The following ADAM11 variants were observed in gnomAD, a reference collection of about 807,000 sequenced individuals.
ADAM11 encodes disintegrin and metalloproteinase domain-containing protein 11.
In ADAM11, 49 loss-of-function variants were observed where a neutral mutation model predicts 119.1. The ratio of observed to expected loss-of-function variants is 0.41; its 90% CI spans 0.33 to 0.52. The LOEUF is 0.52. Ranked by LOEUF, ADAM11 falls within the 20% of genes least tolerant of loss-of-function variation. The pLI is 0.20. For synonymous variants in ADAM11, 364 were observed against 408.0 expected (o/e 0.89, Z 1.30); for missense variants, 777 against 1,047.5 (o/e 0.74, Z 3.56).
Position 44,772,405 on chromosome 17 carries a change from T to A in ADAM11, c.617T>A (p.Leu206Gln), listed in dbSNP as rs1280677781. 30 of 1,579,248 alleles carry A rather than the reference T, an allele frequency of 1.9e-5. No homozygotes were observed. Among genetic ancestry groups the A allele is most frequent in the Non-Finnish European group, 2.2e-5 (26 of 1,161,734 alleles). Residue 206 changes from leucine (L) to glutamine (Q), a missense_variant, in exon 8 of 27, where the codon CTG becomes CAG. Coordinates refer to ENST00000200557, the MANE Select transcript of ADAM11 (RefSeq NM_002390.6). The surrounding 1 kb of genome is among the most constrained non-coding windows in gnomAD (Gnocchi z 4.5). ...CACCTGCCCCTCCCCACAGGCTGCC[T>A]GTTTGCTGTGCCTGCCCAGTCGGCT... ...DPLGCREPGCLFAVPAQSAPP... is the reference protein window; with the variant it reads ...DPLGCREPGCQFAVPAQSAPP...
chr17:44,769,914 T>C (rs1219415083), intron 3 of ADAM11, 68 bp from the exon 4 acceptor site: 7 of 1,609,278 alleles, frequency 4.3e-6, no homozygotes, highest in Non-Finnish European at 6.0e-6. Context: ...GGTCCTGACC[T>C]GAGGCGAGCC....
intron 2 of ADAM11, among the ~76,000 whole-genome samples, chr17:44,760,695 G>T (rs1367524268): frequency 6.6e-6 from 1 of 152,182 alleles, no homozygotes; most frequent in Non-Finnish European, 1.5e-5. Context: ...GTATAGGGGG[G>T]AGACCCAGAA....
At chr17:44,765,521 GTTA>G (rs1349363695) in intron 2 of ADAM11, among the ~76,000 whole-genome samples, 9 of 150,220 alleles carry the variant, frequency 6.0e-5, no homozygotes, top group Non-Finnish European at 1.3e-4. Context: ...CTTCCTTCTC[GTTA>G]TTATTATTAT....
intron 4 of ADAM11, among the ~76,000 whole-genome samples, chr17:44,770,503 C>A (rs1474044194): frequency 3.7e-5 from 5 of 135,082 alleles, no homozygotes; most frequent in East Asian, 2.3e-4. Context: ...CCCCCCCGCC[C>A]CCACTGCCTG....
At chr17:44,759,616 G>A in intron 1 of ADAM11, 106 bp from the exon 2 acceptor site, 1 of 1,305,692 alleles carries the variant, frequency 7.7e-7, no homozygotes, top group Non-Finnish European at 9.8e-7. Context: ...TCGCCCTAGG[G>A]CTCCAGGGGC....
chr17:44,774,482 C>T lies in ADAM11; in HGVS notation c.1078-10C>T. The T allele has an allele frequency of 6.2e-7, 1 of 1,612,218 alleles. No individual in the cohort carries two copies. The highest frequency in any genetic ancestry group is 8.5e-7 in the Non-Finnish European group (1 of 1,179,424). ...TGTAGACATCTGTGCCCCATCTTCC[C>T]CACCCCCAGTACGGCAACATGGGGG... On this transcript the variant is annotated splice_polypyrimidine_tract_variant and intron_variant, in intron 12 of 26. Coordinates refer to ENST00000200557, the MANE Select transcript of ADAM11 (RefSeq NM_002390.6).
chr17:44,762,995 G>T (rs2049407154), intron 2 of ADAM11, among the ~76,000 whole-genome samples: 1 of 150,962 alleles, frequency 6.6e-6, no homozygotes, highest in Non-Finnish European at 1.5e-5. Flanking sequence ...AATTACCCAA[G>T]CATGGTGCTG....
In ADAM11 at chr17:44,769,711, C is replaced by A. The variant is rs772780802; in HGVS notation, c.238-7C>A. On this transcript the variant is annotated splice_region_variant and splice_polypyrimidine_tract_variant and intron_variant, in intron 2 of 26. Transcript: ENST00000200557. Reference sequence around the variant, plus strand: ...GTTGACTCCCCCTCTGCCCTCCCCCCACCCAGCCTGTCCATCTGGCCCAGG... The same window carrying A: ...GTTGACTCCCCCTCTGCCCTCCCCCAACCCAGCCTGTCCATCTGGCCCAGG... 4 of 1,595,886 alleles carry A rather than the reference C, an allele frequency of 2.5e-6. No homozygotes were observed. The highest frequency in any genetic ancestry group is 1.7e-5 in the Admixed American group (1 of 59,982).
Position 44,775,508 on chromosome 17 carries a change from G to T in ADAM11, c.1392+43G>T, listed in dbSNP as rs762410584. 5.7e-6 allele frequency: 9 copies of T among 1,584,698 alleles called. No homozygotes were observed. Among genetic ancestry groups the T allele is most frequent in the East Asian group, 2.3e-5 (1 of 43,844 alleles). On this transcript the variant is annotated intron_variant, in intron 16 of 26. Transcript: ENST00000200557. This position sits in a 1 kb window ranked among gnomAD's most constrained non-coding sequence, Gnocchi z 7.5. The stretch of plus-strand genomic sequence containing the variant: ...CGCCAGGTGGGGAACCGGGATGCGG[G>T]GGTGGGCACGAGGGAGCGTCTGAGT...
At position 44,775,481 on chromosome 17, in the gene ADAM11, G is replaced by T. The variant is rs766873788; in HGVS notation, c.1392+16G>T. 2.5e-5 allele frequency: 40 copies of T among 1,601,406 alleles called. No homozygotes were observed. Among genetic ancestry groups the T allele is most frequent in the African/African-American group, 1.3e-5 (1 of 74,838 alleles). On this transcript the variant is annotated intron_variant, in intron 16 of 26. Coordinates refer to ENST00000200557, the MANE Select transcript of ADAM11 (RefSeq NM_002390.6). This position sits in a 1 kb window ranked among gnomAD's most constrained non-coding sequence, Gnocchi z 7.5. ...CTCGGTGCAGGTGAGCGGTGGTGCG[G>T]GCGCCAGGTGGGGAACCGGGATGCG... is the stretch of plus-strand genomic sequence containing the variant.
At position 44,781,570 on chromosome 17, in the gene ADAM11, T is replaced by G. The variant is rs1395283719; in HGVS notation, c.*1816T>G. 1.3e-5 allele frequency: 2 copies of G among 152,320 alleles called. No individual in the cohort carries two copies. The highest frequency in any genetic ancestry group is 2.1e-4 in the South Asian group (1 of 4,838). 9.4% of individuals were successfully genotyped at this position (152,320 alleles called of 1,614,324 possible). On this transcript the variant is annotated 3_prime_UTR_variant, in exon 27 of 27. Coordinates refer to ENST00000200557, the MANE Select transcript of ADAM11 (RefSeq NM_002390.6). ...ACCTCTGCACAAGTGTGAATACCTCTGCACATATGGGCGTATCTGTGTGTG... is the reference window on the plus strand; with the variant it reads ...ACCTCTGCACAAGTGTGAATACCTCGGCACATATGGGCGTATCTGTGTGTG...
Position 44,770,037 on chromosome 17 carries a change from C to T in ADAM11, c.370C>T (p.Gln124Ter). Residue 124 changes from glutamine to a stop codon, truncating the protein, a stop_gained, in exon 4 of 27, where the codon CAG becomes TAG. Coordinates refer to ENST00000200557, the MANE Select transcript of ADAM11 (RefSeq NM_002390.6). LOFTEE classifies it high-confidence loss of function. The part of the protein sequence containing the change: ...ERHFSREGTT[Q>*]HSTGAGDHCY... ...CCACTTCAGCCGGGAGGGGACAACC[C>T]AGCACAGCACCGTGAGTGCCACTGC... 2 of 1,614,074 alleles carry T rather than the reference C, an allele frequency of 1.2e-6. No homozygotes were observed. Among genetic ancestry groups the T allele is most frequent in the East Asian group, 2.2e-5 (1 of 44,884 alleles).
In ADAM11 at chr17:44,775,788, T is replaced by C; in HGVS notation, c.1485+112T>C. ...AGCGGAGCCTTCGGGGACGAAGGCC[T>C]CTGGGGCAGGGCTTGATGCGAAGAC... On this transcript the variant is annotated intron_variant, in intron 17 of 26. Coordinates refer to ENST00000200557, the MANE Select transcript of ADAM11 (RefSeq NM_002390.6). The surrounding 1 kb of genome is among the most constrained non-coding windows in gnomAD (Gnocchi z 7.5). The C allele has an allele frequency of 2.7e-6, 3 of 1,127,530 alleles. No homozygotes were observed. The highest frequency in any genetic ancestry group is 1.6e-5 in the African/African-American group (1 of 64,244). 69.8% of individuals were successfully genotyped at this position (1,127,530 alleles called of 1,614,324 possible).
chr17:44,773,128 C>G lies in ADAM11; in HGVS notation c.825+43C>G. 1 of 1,601,516 alleles carries G rather than the reference C, an allele frequency of 6.2e-7. No homozygotes were observed. The highest frequency in any genetic ancestry group is 1.3e-5 in the African/African-American group (1 of 74,728). ...CCTCCCTTCCCTCCTCCTCATGCCC[C>G]CCACCCCACCACACACATTAGGGGG... On this transcript the variant is annotated intron_variant, in intron 10 of 26. Coordinates refer to ENST00000200557, the MANE Select transcript of ADAM11 (RefSeq NM_002390.6). The surrounding 1 kb of genome is among the most constrained non-coding windows in gnomAD (Gnocchi z 4.6).
Position 44,775,754 on chromosome 17 carries a change from A to C in ADAM11, c.1485+78A>C. ...GGCCTTCATATAAGGGGTGGGAGCT[A>C]GGGAGGGAAGCGGAGCCTTCGGGGA... On this transcript the variant is annotated intron_variant, in intron 17 of 26. Coordinates refer to ENST00000200557, the MANE Select transcript of ADAM11 (RefSeq NM_002390.6). This position sits in a 1 kb window ranked among gnomAD's most constrained non-coding sequence, Gnocchi z 7.5. 2 of 1,389,460 alleles carry C rather than the reference A, an allele frequency of 1.4e-6. No homozygotes were observed. The highest frequency in any genetic ancestry group is 2.2e-5 in the Admixed American group (1 of 45,386). 86.1% of individuals were successfully genotyped at this position (1,389,460 alleles called of 1,614,324 possible).
intron 2 of ADAM11, among the ~76,000 whole-genome samples, chr17:44,763,127 T>A (rs1372131672): frequency 6.6e-6 from 1 of 152,086 alleles, no homozygotes; most frequent in African/African-American, 2.4e-5. Context: ...CAGAGTGAGA[T>A]CCTGTCTCAC....
intron 25 of ADAM11, among the ~76,000 whole-genome samples, 185 bp from the exon 26 acceptor site, chr17:44,779,037 C>G (rs1222399621): frequency 6.6e-6 from 1 of 152,170 alleles, no homozygotes; most frequent in African/African-American, 2.4e-5. Context: ...GAGCTGGAAC[C>G]GGGACGCATT....
At position 44,780,474 on chromosome 17, in the gene ADAM11, G is replaced by A. The variant is rs767613887; in HGVS notation, c.*720G>A. 2.1e-5 allele frequency: 6 copies of A among 280,646 alleles called. No individual in the cohort carries two copies. Among genetic ancestry groups the A allele is most frequent in the South Asian group, 3.2e-5 (1 of 31,218 alleles). 17.4% of individuals were successfully genotyped at this position (280,646 alleles called of 1,614,324 possible). On this transcript the variant is annotated 3_prime_UTR_variant, in exon 27 of 27. Transcript: ENST00000200557. ...TGCCCAAGGCCTAGGTTATGGGTAC[G>A]GCAACCACATGTCCCAGATCGTCTC...
At position 44,781,174 on chromosome 17, in the gene ADAM11, C is replaced by T. The variant is rs749017641; in HGVS notation, c.*1420C>T. 9 of 152,378 alleles carry T rather than the reference C, an allele frequency of 5.9e-5. No individual in the cohort carries two copies. The highest frequency in any genetic ancestry group is 1.0e-4 in the Non-Finnish European group (7 of 68,058). 9.4% of individuals were successfully genotyped at this position (152,378 alleles called of 1,614,324 possible). On this transcript the variant is annotated 3_prime_UTR_variant, in exon 27 of 27. Transcript: ENST00000200557. The stretch of plus-strand genomic sequence containing the variant: ...CAGGGAGTTCTGACACCCCAGGGCC[C>T]GTGAGCTACCTGCTTGAGCCCCTGT...
Sources: allele counts gnomAD v4.1 joint callset (sites outside exome capture counted in the v4.1 genomes callset), GRCh38; gene constraint gnomAD v4.1.1; non-coding constraint Gnocchi (gnomAD v3.1); transcripts MANE v1.5; gene names NCBI Gene and HGNC (gene_info 2026-07-23, HGNC 2026-07-21).